HEMK2: variants seen among roughly 807,000 people sequenced by gnomAD.
HEMK2 encodes the protein methyltransferase HEMK2.
At chr21:28,648,941 C>A in the HEMK2 span, among the ~76,000 whole-genome samples, 1 of 135,036 alleles carries the variant, frequency 7.4e-6, no homozygotes, top group East Asian at 2.8e-4. Flanking sequence ...CCCGCTCCCC[C>A]CACCCCACAA....
chr21:28,705,339 C>A, the HEMK2 span, among the ~76,000 whole-genome samples: 3 of 35,262 alleles, frequency 8.5e-5, no homozygotes, highest in Admixed American at 6.8e-4. Flanking sequence ...CTTTTCTTTT[C>A]TTTATCTACC....
chr21:28,641,263 A>G, the HEMK2 span, among the ~76,000 whole-genome samples: 1 of 152,202 alleles, frequency 6.6e-6, no homozygotes, highest in Non-Finnish European at 1.5e-5. Context: ...CGGATCCATA[A>G]AGATAGAAGA....
At chr21:28,661,563 AATAT>A in the HEMK2 span, among the ~76,000 whole-genome samples, 1 of 149,964 alleles carries the variant, frequency 6.7e-6, no homozygotes, top group Non-Finnish European at 1.5e-5. Flanking sequence ...TATGTATGCA[AATAT>A]ATATATATAT....
the HEMK2 span, among the ~76,000 whole-genome samples, chr21:28,691,039 G>A: frequency 6.6e-6 from 1 of 152,136 alleles, no homozygotes; most frequent in Non-Finnish European, 1.5e-5. Flanking sequence ...TATAGGTGTT[G>A]CTGTACTTCT....
At chr21:28,837,212 G>T in the HEMK2 span, among the ~76,000 whole-genome samples, 1 of 152,082 alleles carries the variant, frequency 6.6e-6, no homozygotes, top group African/African-American at 2.4e-5. Flanking sequence ...GATATATACG[G>T]AACAGTTCAT....
chr21:28,840,848 G>GT, the HEMK2 span, among the ~76,000 whole-genome samples: 1 of 150,184 alleles, frequency 6.7e-6, no homozygotes, highest in African/African-American at 2.5e-5. Context: ...CCACTACTGA[G>GT]TATCTACCCA....
At chr21:28,847,015 T>C in the HEMK2 span, among the ~76,000 whole-genome samples, 1 of 152,206 alleles carries the variant, frequency 6.6e-6, no homozygotes. Context: ...ATGTACCATA[T>C]TTTCTTCATC....
the HEMK2 span, among the ~76,000 whole-genome samples, chr21:28,711,071 T>C: frequency 6.6e-6 from 1 of 152,178 alleles, no homozygotes; most frequent in Non-Finnish European, 1.5e-5. Flanking sequence ...TACTAGATCC[T>C]GATTTTTAAT....
chr21:28,657,891 A>G, the HEMK2 span, among the ~76,000 whole-genome samples: 2 of 152,088 alleles, frequency 1.3e-5, no homozygotes, highest in African/African-American at 2.4e-5. Flanking sequence ...TAACTGTATA[A>G]CATGGATATT....
At chr21:28,653,922 C>A in the HEMK2 span, among the ~76,000 whole-genome samples, 15 of 152,096 alleles carry the variant, frequency 9.9e-5, no homozygotes, top group African/African-American at 3.6e-4. Context: ...ATCTTTTTAT[C>A]CCTTGAAGTC....
chr21:28,860,367 T>G, the HEMK2 span, among the ~76,000 whole-genome samples: 3 of 151,966 alleles, frequency 2.0e-5, no homozygotes, highest in Non-Finnish European at 4.4e-5. Flanking sequence ...CAGACTTGGC[T>G]CTCCTTGCCC....
the HEMK2 span, among the ~76,000 whole-genome samples, chr21:28,703,968 G>A: frequency 6.6e-5 from 10 of 152,180 alleles, no homozygotes; most frequent in African/African-American, 2.4e-4. Context: ...AAGCTTACTT[G>A]ACTATGGTTA....
chr21:28,813,129 A>G, the HEMK2 span, among the ~76,000 whole-genome samples: 2 of 152,174 alleles, frequency 1.3e-5, no homozygotes, highest in Admixed American at 6.5e-5. Flanking sequence ...AAGAAATAAA[A>G]TGTATTCAAA....
chr21:28,747,904 G>A, the HEMK2 span, among the ~76,000 whole-genome samples: 1 of 152,204 alleles, frequency 6.6e-6, no homozygotes, highest in African/African-American at 2.4e-5. Flanking sequence ...GAGAGAGATA[G>A]GGTATCTCTT....
the HEMK2 span, among the ~76,000 whole-genome samples, chr21:28,753,777 T>A: frequency 6.6e-6 from 1 of 152,232 alleles, no homozygotes; most frequent in South Asian, 2.1e-4. Flanking sequence ...TTCTTTTCTA[T>A]AACCTACCTA....
the HEMK2 span, among the ~76,000 whole-genome samples, chr21:28,630,777 C>T: frequency 1.4e-4 from 12 of 88,504 alleles, no homozygotes; most frequent in East Asian, 1.6e-3. Context: ...TGGGGACTGT[C>T]GTGGGGTGGG....
chr21:28,631,122 T>C, the HEMK2 span, among the ~76,000 whole-genome samples: 17 of 152,014 alleles, frequency 1.1e-4, no homozygotes, highest in Admixed American at 7.2e-4. Context: ...AAAACTGACA[T>C]AGGGAAATTT....
chr21:28,646,643 G>T, the HEMK2 span, among the ~76,000 whole-genome samples: 3 of 152,300 alleles, frequency 2.0e-5, no homozygotes, highest in East Asian at 5.8e-4. Flanking sequence ...GCATCAGTCA[G>T]GTGGCAGCTG....
At chr21:28,796,071 A>C in the HEMK2 span, among the ~76,000 whole-genome samples, 2 of 152,204 alleles carry the variant, frequency 1.3e-5, no homozygotes, top group African/African-American at 4.8e-5. Context: ...GACTCTATAC[A>C]GATTTTCCTG....
Sources: gnomAD v4.1 joint callset for allele counts (sites outside exome capture counted in the v4.1 genomes callset) on GRCh38, gnomAD v4.1.1 for gene constraint, MANE v1.5 for transcripts, NCBI Gene and HGNC (gene_info 2026-07-23, HGNC 2026-07-21) for gene names.